Variants in RBM33 observed in about 807,000 individuals in gnomAD.
RBM33 encodes the protein RNA binding motif protein 33.
In RBM33, 28 loss-of-function variants were observed where a neutral mutation model predicts 132.6. That is an observed-to-expected ratio of 0.21 (90% confidence interval 0.16 to 0.29). The LOEUF is 0.29. Among genes scored for constraint, RBM33 ranks in the 10% least tolerant of loss-of-function variants. The pLI, the probability that RBM33 is intolerant of heterozygous loss-of-function variation, is 1.00. For synonymous variants in RBM33, 634 were observed against 593.0 expected (o/e 1.07, Z -1.01); for missense variants, 1,291 against 1,518.5 (o/e 0.85, Z 2.49).
intron 1 of RBM33, among the ~76,000 whole-genome samples, chr7:155,645,715 T>C (rs1285864157): frequency 1.3e-5 from 2 of 152,220 alleles, no homozygotes; most frequent in African/African-American, 2.4e-5. Context: ...TTTTAAGTGA[T>C]TATTTTGAAA....
chr7:155,764,200 C>T (rs1725535308), intron 15 of RBM33, among the ~76,000 whole-genome samples, 182 bp downstream of exon 15: 1 of 152,196 alleles, frequency 6.6e-6, no homozygotes, highest in Non-Finnish European at 1.5e-5. Flanking sequence ...CTTTTCCTCT[C>T]CTGACTTATT....
At chr7:155,673,768 G>GCGCACACA (rs1554469952) in intron 3 of RBM33, among the ~76,000 whole-genome samples, 7,894 of 132,882 alleles carry the variant, frequency 0.059, 453 homozygotes, top group South Asian at 0.082. Context: ...GCGCATGCGC[G>GCGCACACA]CACACACACA....
rs746333467 is a variant in RBM33 at position 155,745,191 on chromosome 7, C to A, written c.2568C>A (p.Asn856Lys). 1 of 1,611,388 alleles carries A rather than the reference C, an allele frequency of 6.2e-7. No individual in the cohort carries two copies. The highest frequency in any genetic ancestry group is 1.1e-5 in the South Asian group (1 of 90,456). Residue 856 changes from asparagine to lysine, a missense_variant, in exon 14 of 18, where the codon AAC becomes AAA. Asn to Lys is a moderately conservative substitution (Grantham distance 94). Coordinates refer to ENST00000401878, the MANE Select transcript of RBM33 (RefSeq NM_053043.3). This position sits in a 1 kb window ranked among gnomAD's most constrained non-coding sequence, Gnocchi z 4.1. ...QALSPSPTNG[N>K]PLLPFPGAQV... is the part of the protein sequence containing the mutation. ...TGTCACCATCACCCACCAACGGTAA[C>A]CCACTGTTGCCCTTTCCAGGTGCAC...
chr7:155,689,390 T>C (rs183934242), intron 5 of RBM33, among the ~76,000 whole-genome samples: 4,720 of 152,294 alleles, frequency 0.031, 232 homozygotes, highest in African/African-American at 0.11. Flanking sequence ...TTGCTAGCAG[T>C]CTATCAATTT....
intron 2 of RBM33, among the ~76,000 whole-genome samples, chr7:155,670,746 T>C (rs1279685979): frequency 3.3e-5 from 5 of 152,336 alleles, no homozygotes; most frequent in Middle Eastern, 3.4e-3. Flanking sequence ...TCGCTGGGGC[T>C]GCTGTTTATA....
chr7:155,749,045 CA>C (rs1407755617), intron 14 of RBM33, among the ~76,000 whole-genome samples: 2 of 152,106 alleles, frequency 1.3e-5, no homozygotes, highest in Non-Finnish European at 2.9e-5. Flanking sequence ...TGGGGTAAAA[CA>C]GTGTGGCTTT....
At chr7:155,725,076 C>T (rs1161220216) in intron 9 of RBM33, among the ~76,000 whole-genome samples, 1 of 149,202 alleles carries the variant, frequency 6.7e-6, no homozygotes, top group Non-Finnish European at 1.5e-5. Context: ...CAGTAAATGC[C>T]TAGGAGTGGA....
chr7:155,710,952 T>A (rs1388205393), intron 7 of RBM33, among the ~76,000 whole-genome samples: 1 of 151,584 alleles, frequency 6.6e-6, no homozygotes, highest in Non-Finnish European at 1.5e-5. Context: ...GCTTTGGGGC[T>A]GTTTTCCCTC....
chr7:155,701,070 G>A, intron 6 of RBM33, 126 bp downstream of exon 6: 1 of 806,140 alleles, frequency 1.2e-6, no homozygotes. Context: ...TCCGGAGAGT[G>A]GCCGGACTTT....
chr7:155,748,259 C>T (rs770864297), intron 14 of RBM33, among the ~76,000 whole-genome samples: 24 of 152,154 alleles, frequency 1.6e-4, no homozygotes, highest in Non-Finnish European at 3.2e-4. Context: ...CCTAAATTAC[C>T]TCCTTCCCTT....
rs1275009805 is a variant in RBM33, at chr7:155,680,766, A to G, written c.425A>G (p.Tyr142Cys). 1.2e-6 allele frequency: 2 copies of G among 1,613,634 alleles called. No homozygotes were observed. The highest frequency in any genetic ancestry group is 1.7e-6 in the Non-Finnish European group (2 of 1,179,776). The change falls in exon 5 of 18, where the codon TAC becomes TGC. Residue 142 changes from tyrosine to cysteine, a missense_variant. Physicochemically the swap from Tyr to Cys is radical, Grantham distance 194. Coordinates refer to ENST00000401878, the MANE Select transcript of RBM33 (RefSeq NM_053043.3). ...SDGSELYTQE[Y>C]PEEGQYEGHE... ...GGATCAGAATTGTATACTCAAGAGT[A>G]CCCAGAAGAAGGACAGTATGAAGGC...
chr7:155,745,132 C>A lies in RBM33; in HGVS notation c.2509C>A (p.Pro837Thr). The change falls in exon 14 of 18, where the codon CCC becomes ACC. Residue 837 changes from proline to threonine, a missense_variant. Pro to Thr is a conservative substitution (Grantham distance 38). This residue lies in a region of RBM33 where 841 missense variants were observed against 912.0 expected (regional missense o/e 0.92). Transcript: ENST00000401878. This position sits in a 1 kb window ranked among gnomAD's most constrained non-coding sequence, Gnocchi z 4.1. The part of the protein sequence containing the change: ...LAQQQQQLYA[P>T]PPPAEQEEQA... ...GCAGCAACAGCAGCAGCTGTACGCT[C>A]CCCCACCCCCAGCAGAGCAGGAAGA... The A allele has an allele frequency of 1.9e-6, 3 of 1,601,338 alleles. No homozygotes were observed. Among genetic ancestry groups the A allele is most frequent in the Non-Finnish European group, 2.6e-6 (3 of 1,173,482 alleles).
intron 1 of RBM33, among the ~76,000 whole-genome samples, chr7:155,655,076 AAAG>A (rs1305101295): frequency 6.6e-6 from 1 of 152,260 alleles, no homozygotes; most frequent in Non-Finnish European, 1.5e-5. Flanking sequence ...AAGGAAGAAT[AAAG>A]AAGACCATAA....
chr7:155,769,310 G>A (rs1358607295), intron 16 of RBM33, among the ~76,000 whole-genome samples: 1 of 152,176 alleles, frequency 6.6e-6, no homozygotes, highest in Non-Finnish European at 1.5e-5. Context: ...CGTCATCTGT[G>A]TTTCTTGCGG....
At chr7:155,693,902 CTG>C (rs779868225) in intron 5 of RBM33, among the ~76,000 whole-genome samples, 1 of 152,278 alleles carries the variant, frequency 6.6e-6, no homozygotes, top group East Asian at 1.9e-4. Context: ...TCTAAATAAA[CTG>C]TGTAGTCCTC....
rs1563138321 is a variant in RBM33 at position 155,673,945 on chromosome 7, T to TGTTTTTTTTG, written c.171+1030_171+1031insGTTTTTTTTG. 3.4e-5 allele frequency among the ~76,000 whole-genome samples: 3 copies of TGTTTTTTTTG among 88,492 alleles called. No individual in the cohort carries two copies. In the East Asian group the frequency reaches 9.8e-4, roughly 29 times the overall value. The allele number at this position is 88,492 out of a possible 152,430, so 58.1% of individuals were successfully genotyped here. A position where few individuals can be genotyped will look rare whatever the true frequency, so the allele number is the denominator to read the frequency against. On this transcript the variant is annotated intron_variant, in intron 3 of 17. Transcript: ENST00000401878. ...ATCAAGATAGTTTAGGCTTAGTTTT[T>TGTTTTTTTTG]TTTTTTTTTTTTTTTTTTTTTTTTT... is the stretch of plus-strand genomic sequence containing the variant.
intron 5 of RBM33, among the ~76,000 whole-genome samples, chr7:155,682,451 T>G: frequency 6.6e-6 from 1 of 152,244 alleles, no homozygotes; most frequent in East Asian, 1.9e-4. Flanking sequence ...ACACTGTAAT[T>G]TAAAATGCTT....
intron 14 of RBM33, among the ~76,000 whole-genome samples, chr7:155,762,525 C>A (rs1424835851): frequency 6.6e-6 from 1 of 152,232 alleles, no homozygotes; most frequent in Non-Finnish European, 1.5e-5. Flanking sequence ...CAGACATTTT[C>A]ATGCCACGTA....
chr7:155,664,046 C>T (rs1325086734), intron 1 of RBM33, among the ~76,000 whole-genome samples: 1 of 152,162 alleles, frequency 6.6e-6, no homozygotes, highest in Non-Finnish European at 1.5e-5. Context: ...AAGGGCTCTG[C>T]TCTTAATTGC....
Sources: gnomAD v4.1 joint callset for allele counts (sites outside exome capture counted in the v4.1 genomes callset) on GRCh38, gnomAD v4.1.1 for gene constraint, gnomAD v4.1.1 regional missense constraint, Gnocchi (gnomAD v3.1) non-coding constraint, MANE v1.5 for transcripts, NCBI Gene and HGNC (gene_info 2026-07-23, HGNC 2026-07-21) for gene names.